ZBTB40: variants seen among roughly 807,000 people sequenced by gnomAD.
ZBTB40 encodes zinc finger and BTB domain containing 40.
Under a neutral mutation model 117.5 loss-of-function variants are expected in ZBTB40, and 60 were observed. The ratio of observed to expected loss-of-function variants is 0.51; its 90% CI spans 0.41 to 0.63. ZBTB40 has a LOEUF of 0.63. Ranked by LOEUF, ZBTB40 falls within the 30% of genes least tolerant of loss-of-function variation. The probability of loss-of-function intolerance (pLI) is 0.00; values close to 1 mark genes in which losing one functional copy is unlikely to be tolerated. For missense variants in ZBTB40, 1,287 were observed against 1,498.5 expected (o/e 0.86, Z 2.33); for synonymous variants, 525 against 577.1 (o/e 0.91, Z 1.29).
chr1:22,506,637 T>G (rs1370810683), intron 6 of ZBTB40, among the ~76,000 whole-genome samples: 5 of 152,188 alleles, frequency 3.3e-5, no homozygotes, highest in African/African-American at 1.2e-4. Context: ...GCTGTTTGCT[T>G]CCAGCAGTCC....
rs1569854888 is a variant in ZBTB40 at position 22,502,294 on chromosome 1, C to G, written c.1025-5C>G. On this transcript the variant is annotated splice_region_variant and splice_polypyrimidine_tract_variant and intron_variant, in intron 4 of 17. Coordinates refer to ENST00000375647, the MANE Select transcript of ZBTB40 (RefSeq NM_014870.4). ...CTTGTGTGTCTCTAACTCTTTCTCC[C>G]CCAGGGAGCACAGAGGAGGGAAAGA... The G allele has an allele frequency of 6.2e-7, 1 of 1,612,982 alleles. No homozygotes were observed.
At chr1:22,501,373 A>C in intron 3 of ZBTB40, 119 bp from the exon 4 acceptor site, 1 of 1,044,372 alleles carries the variant, frequency 9.6e-7, no homozygotes, top group South Asian at 1.3e-5. Context: ...GCAGTGGGTG[A>C]GGAGCTTCAG....
intron 1 of ZBTB40, 108 bp downstream of exon 1, chr1:22,452,112 T>C (rs1640889223): frequency 6.6e-6 from 1 of 152,292 alleles, no homozygotes; most frequent in African/African-American, 2.4e-5. Flanking sequence ...CGTGGCGAAC[T>C]CCGCGGGACT....
intron 5 of ZBTB40, 147 bp from the exon 6 acceptor site, chr1:22,505,902 A>C (rs113422151): frequency 0.019 from 14,184 of 762,624 alleles, 441 homozygotes; most frequent in Admixed American, 0.088. Flanking sequence ...GGAAGAAACT[A>C]TGAAAAAAAG....
Position 22,530,469 on chromosome 1 carries a change from G to A in ZBTB40, c.*4073G>A, listed in dbSNP as rs1399025890. On this transcript the variant is annotated 3_prime_UTR_variant, in exon 18 of 18. Coordinates refer to ENST00000375647, the MANE Select transcript of ZBTB40 (RefSeq NM_014870.4). ...GGAAGAGAGAAGCTGTCTGTACTTT[G>A]GGGACTACATTGCTGAAGGAAAAAA... 1 of 152,132 alleles carries A rather than the reference G, an allele frequency of 6.6e-6. No individual in the cohort carries two copies. 9.4% of individuals were successfully genotyped at this position (152,132 alleles called of 1,614,324 possible).
intron 1 of ZBTB40, among the ~76,000 whole-genome samples, chr1:22,456,856 C>T (rs889007141): frequency 1.1e-4 from 16 of 152,228 alleles, no homozygotes; most frequent in African/African-American, 3.9e-4. Flanking sequence ...TAGCAGATAT[C>T]ATAACTGTTT....
In ZBTB40 at chr1:22,501,638, A is replaced by T. The variant is rs755253032; in HGVS notation, c.978A>T (p.Ala326=). ...ATTCTAATCCTGCAGTAAAAACAGCACTATTAGACAGGAAGCCAGAAGATG... is the reference window on the plus strand; with the variant it reads ...ATTCTAATCCTGCAGTAAAAACAGCTCTATTAGACAGGAAGCCAGAAGATG... ...YQYSNPAVKT[A]LLDRKPEDVD... is the part of the protein sequence containing the mutation. The change falls in exon 4 of 18, where the codon GCA becomes GCT. Residue 326 remains alanine, a synonymous_variant. Coordinates refer to ENST00000375647, the MANE Select transcript of ZBTB40 (RefSeq NM_014870.4). 18 of 1,614,030 alleles carry T rather than the reference A, an allele frequency of 1.1e-5. No homozygotes were observed. Among genetic ancestry groups the T allele is most frequent in the Non-Finnish European group, 1.5e-5 (18 of 1,180,010 alleles).
intron 11 of ZBTB40, among the ~76,000 whole-genome samples, chr1:22,512,564 G>A (rs1639269848): frequency 6.6e-6 from 1 of 152,160 alleles, no homozygotes; most frequent in African/African-American, 2.4e-5. Flanking sequence ...AGTCAGAATG[G>A]TTTCCCTTGT....
intron 1 of ZBTB40, among the ~76,000 whole-genome samples, chr1:22,443,285 T>G (rs1356836151): frequency 6.6e-6 from 1 of 152,076 alleles, no homozygotes; most frequent in East Asian, 1.9e-4. Flanking sequence ...GTGCCCAAGG[T>G]GATCAGATTA....
At chr1:22,511,645 C>A (rs745417365) in intron 10 of ZBTB40, 31 bp from the exon 11 acceptor site, 1 of 1,606,038 alleles carries the variant, frequency 6.2e-7, no homozygotes, top group South Asian at 1.1e-5. Flanking sequence ...ACAGAGAGTT[C>A]GCAGAGCCAC....
upstream of ZBTB40, among the ~76,000 whole-genome samples, chr1:22,448,907 G>T (rs1283219073): frequency 6.6e-6 from 1 of 151,972 alleles, no homozygotes; most frequent in Non-Finnish European, 1.5e-5. Flanking sequence ...CTGCCTCCCA[G>T]GTTCAAGCAA....
chr1:22,486,924 G>A (rs1489018611), intron 1 of ZBTB40, among the ~76,000 whole-genome samples: 8 of 152,014 alleles, frequency 5.3e-5, no homozygotes, highest in Non-Finnish European at 7.4e-5. Flanking sequence ...TAGTAGAGAC[G>A]AGGTTTTGCC....
At chr1:22,484,271 T>A (rs1480889306) in intron 1 of ZBTB40, among the ~76,000 whole-genome samples, 1 of 152,216 alleles carries the variant, frequency 6.6e-6, no homozygotes, top group Non-Finnish European at 1.5e-5. Flanking sequence ...TATTGAATAT[T>A]TCTATCTAAC....
chr1:22,447,474 C>T (rs558926877), upstream of ZBTB40, among the ~76,000 whole-genome samples: 7 of 152,268 alleles, frequency 4.6e-5, no homozygotes, highest in African/African-American at 1.2e-4. Context: ...CAGAGAATGG[C>T]AGGTGGGCTA....
chr1:22,493,060 AT>A (rs567128863), intron 3 of ZBTB40, among the ~76,000 whole-genome samples: 3 of 151,934 alleles, frequency 2.0e-5, no homozygotes, highest in African/African-American at 4.8e-5. Flanking sequence ...TGTCTTATGC[AT>A]TTTTTTTAAC....
chr1:22,527,522 A>C lies in ZBTB40; in HGVS notation c.*1126A>C, dbSNP rs936514230. 2 of 152,382 alleles carry C rather than the reference A, an allele frequency of 1.3e-5. No homozygotes were observed. The highest frequency in any genetic ancestry group is 2.4e-5 in the African/African-American group (1 of 41,472). The allele number at this position is 152,382 out of a possible 1,614,324, so 9.4% of individuals were successfully genotyped here. A position where few individuals can be genotyped will look rare whatever the true frequency, so the allele number is the denominator to read the frequency against. On this transcript the variant is annotated 3_prime_UTR_variant, in exon 18 of 18. Coordinates refer to ENST00000375647, the MANE Select transcript of ZBTB40 (RefSeq NM_014870.4). ...TCCATTATGAAGTGCAATTAGATAGATGTAGGTTCCTGCCGTTTGGAGAGA... is the reference window on the plus strand; with the variant it reads ...TCCATTATGAAGTGCAATTAGATAGCTGTAGGTTCCTGCCGTTTGGAGAGA...
chr1:22,517,576 C>A, intron 13 of ZBTB40, 112 bp downstream of exon 13: 1 of 1,309,290 alleles, frequency 7.6e-7, no homozygotes, highest in Non-Finnish European at 1.0e-6. Context: ...TCAGTGCATT[C>A]CCCTTACCTG....
chr1:22,493,093 G>A (rs1569840596), intron 3 of ZBTB40, among the ~76,000 whole-genome samples: 1 of 152,106 alleles, frequency 6.6e-6, no homozygotes, highest in East Asian at 1.9e-4. Flanking sequence ...AAAGTATGTG[G>A]CATGTAACAG....
chr1:22,470,890 C>T (rs1457405985), intron 1 of ZBTB40, among the ~76,000 whole-genome samples: 10 of 152,220 alleles, frequency 6.6e-5, no homozygotes, highest in African/African-American at 2.4e-4. Flanking sequence ...TGGTTGCATA[C>T]ACCTAACTTC....
Sources: allele counts gnomAD v4.1 joint callset (sites outside exome capture counted in the v4.1 genomes callset), GRCh38; gene constraint gnomAD v4.1.1; transcripts MANE v1.5; gene names NCBI Gene and HGNC (gene_info 2026-07-23, HGNC 2026-07-21).